KCNK1: variants seen among roughly 807,000 people sequenced by gnomAD.
KCNK1 encodes potassium channel subfamily K member 1.
KCNK1 carries 10 observed loss-of-function variants against 22.2 expected under a neutral mutation model. The observed-to-expected ratio is 0.45, with a 90% CI of 0.28 to 0.76. The LOEUF (loss-of-function observed/expected upper bound fraction) is 0.76. KCNK1 is among the 30% of genes least tolerant of loss of function. The pLI is 0.14. For missense variants in KCNK1, 378 were observed against 421.0 expected, an observed-to-expected ratio of 0.90 and a Z score of 0.89; for synonymous variants, 200 against 186.4, an observed-to-expected ratio of 1.07 and a Z score of -0.60.
chr1:233,662,752 A>G (rs1021792235), intron 1 of KCNK1, among the ~76,000 whole-genome samples: 1 of 152,216 alleles, frequency 6.6e-6, no homozygotes, highest in Non-Finnish European at 1.5e-5. Flanking sequence ...GTAGGAGGCT[A>G]GAATACAAGA....
chr1:233,614,164 T>A lies in KCNK1; in HGVS notation c.-8T>A. 6.3e-7 allele frequency: 1 copy of A among 1,587,714 alleles called. No homozygotes were observed. The highest frequency in any genetic ancestry group is 8.5e-7 in the Non-Finnish European group (1 of 1,172,432). ...GCGGCGTTGGCCTTGGCGGCGGCGG[T>A]GGAGAAGATGCTGCAGTCCCTGGCC... is the stretch of plus-strand genomic sequence containing the variant. On this transcript the variant is annotated 5_prime_UTR_variant, in exon 1 of 3. Transcript: ENST00000366621.
chr1:233,647,434 TG>T (rs1289010387), intron 1 of KCNK1, among the ~76,000 whole-genome samples: 1 of 152,182 alleles, frequency 6.6e-6, no homozygotes, highest in Non-Finnish European at 1.5e-5. Flanking sequence ...GCAGCTGCCT[TG>T]GGGAGGGTGA....
chr1:233,614,157 G>GCTTTGGCGT lies in KCNK1; in HGVS notation c.-14_-13insTTTGGCGTC. The GCTTTGGCGT allele has an allele frequency of 9.2e-7, 1 of 1,089,416 alleles. No individual in the cohort carries two copies. Among genetic ancestry groups the GCTTTGGCGT allele is most frequent in the Non-Finnish European group, 1.2e-6 (1 of 806,908 alleles). The allele number at this position is 1,089,416 out of a possible 1,614,324, so 67.5% of individuals were successfully genotyped here. ...CCGGTCTGCGGCGTTGGCCTTGGCG[G>GCTTTGGCGT]CGGCGGTGGAGAAGATGCTGCAGTC... is the stretch of plus-strand genomic sequence containing the variant. On this transcript the variant is annotated 5_prime_UTR_variant, in exon 1 of 3. Transcript: ENST00000366621.
chr1:233,651,605 A>G (rs1571900410), intron 1 of KCNK1, among the ~76,000 whole-genome samples: 1 of 152,374 alleles, frequency 6.6e-6, no homozygotes, highest in Middle Eastern at 3.4e-3. Context: ...GGGGCATACT[A>G]GAACATAGTA....
chr1:233,625,960 C>T (rs1405787858), intron 1 of KCNK1, among the ~76,000 whole-genome samples: 1 of 152,046 alleles, frequency 6.6e-6, no homozygotes, highest in Admixed American at 6.5e-5. Context: ...TGCAAAACAT[C>T]TGGCTTTTAT....
chr1:233,670,209 G>A (rs1658573678), intron 2 of KCNK1, among the ~76,000 whole-genome samples: 1 of 151,994 alleles, frequency 6.6e-6, no homozygotes, highest in Admixed American at 6.6e-5. Context: ...CATTTTACTT[G>A]AGTCAACAGT....
Position 233,614,138 on chromosome 1 carries a change from TGCGGCGTTGGCCTTGGCG to T in KCNK1, c.-27_-10del, listed in dbSNP as rs1558105023. ...GCGGCGGGCCGCGCTCCGGCCGGTC[TGCGGCGTTGGCCTTGGCG>T]GCGGCGGTGGAGAAGATGCTGCAGT... On this transcript the variant is annotated 5_prime_UTR_variant, in exon 1 of 3. Transcript: ENST00000366621. The T allele has an allele frequency of 1.6e-6, 2 of 1,258,202 alleles. No homozygotes were observed. Among genetic ancestry groups the T allele is most frequent in the Non-Finnish European group, 2.0e-6 (2 of 976,050 alleles). 77.9% of individuals were successfully genotyped at this position (1,258,202 alleles called of 1,614,324 possible).
In KCNK1 at chr1:233,619,049, G is replaced by A. The variant is rs773461084; in HGVS notation, c.355+4523G>A. Among the ~76,000 whole-genome samples the A allele has an allele frequency of 5.3e-4, 81 of 152,070 alleles. 1 individual carries two copies. The highest frequency in any genetic ancestry group is 2.3e-3 in the Admixed American group (35 of 15,274). ...TTTTATTTTTTGGAGATAGGGTCTC[G>A]CTCTCTCACTCAGTCTGGAGTGCAG... On this transcript the variant is annotated intron_variant, in intron 1 of 2. Transcript: ENST00000366621.
At chr1:233,616,465 G>A (rs1657489611) in intron 1 of KCNK1, among the ~76,000 whole-genome samples, 2 of 152,186 alleles carry the variant, frequency 1.3e-5, no homozygotes, top group Non-Finnish European at 2.9e-5. Context: ...TTAAGAAAGG[G>A]GTGGGGTGGG....
chr1:233,625,172 G>A lies in KCNK1; in HGVS notation c.355+10646G>A, dbSNP rs573534374. On this transcript the variant is annotated intron_variant, in intron 1 of 2. Transcript: ENST00000366621. ...GTATAAACAGGTGTGTAAAAAATAG[G>A]ATTGGACCAAAAGGGAATGATCTAA... Among the ~76,000 whole-genome samples the A allele has an allele frequency of 3.9e-5, 6 of 152,250 alleles. No homozygotes were observed. In the South Asian group the frequency reaches 1.0e-3, roughly 26 times the overall value.
intron 1 of KCNK1, among the ~76,000 whole-genome samples, chr1:233,639,101 T>C (rs2102893949): frequency 6.6e-6 from 1 of 152,322 alleles, no homozygotes; most frequent in Middle Eastern, 3.4e-3. Flanking sequence ...AAAAAACAGA[T>C]GAATATATAG....
intron 1 of KCNK1, among the ~76,000 whole-genome samples, chr1:233,631,808 T>C (rs957599918): frequency 2.0e-5 from 3 of 152,102 alleles, no homozygotes; most frequent in Non-Finnish European, 2.9e-5. Flanking sequence ...TGATAGATTC[T>C]GGTTTTTTTT....
chr1:233,651,136 T>A (rs184869892), intron 1 of KCNK1, among the ~76,000 whole-genome samples: 3 of 152,346 alleles, frequency 2.0e-5, no homozygotes, highest in East Asian at 3.9e-4. Flanking sequence ...CGTCTTCTTG[T>A]CATCCAGCGT....
At chr1:233,617,811 G>A (rs1657510949) in intron 1 of KCNK1, among the ~76,000 whole-genome samples, 1 of 152,174 alleles carries the variant, frequency 6.6e-6, no homozygotes, top group Non-Finnish European at 1.5e-5. Context: ...GTGATGGCGT[G>A]TGCCTGTAGT....
chr1:233,665,848 T>A (rs1051383186), intron 1 of KCNK1, among the ~76,000 whole-genome samples: 1 of 152,240 alleles, frequency 6.6e-6, no homozygotes, highest in African/African-American at 2.4e-5. Flanking sequence ...TTTGCCCTTA[T>A]CTGGTTGGAT....
intron 1 of KCNK1, among the ~76,000 whole-genome samples, chr1:233,616,702 C>T (rs1657493175): frequency 6.6e-6 from 1 of 152,106 alleles, no homozygotes; most frequent in South Asian, 2.1e-4. Flanking sequence ...TTGTACTGCC[C>T]CATTATTTGA....
chr1:233,614,620 C>G lies in KCNK1; in HGVS notation c.355+94C>G. Reference sequence around the variant, plus strand: ...GCGCCCCGGGCCCCTCTAACCCTCCCACCCCACCCCCCACCTTTCGCCATC... The same window carrying G: ...GCGCCCCGGGCCCCTCTAACCCTCCGACCCCACCCCCCACCTTTCGCCATC... On this transcript the variant is annotated intron_variant, in intron 1 of 2. Transcript: ENST00000366621. The G allele has an allele frequency of 3.2e-6, 3 of 944,808 alleles. No individual in the cohort carries two copies. In the South Asian group the frequency reaches 5.2e-5, roughly 16 times the overall value. 58.5% of individuals were successfully genotyped at this position (944,808 alleles called of 1,614,324 possible).
chr1:233,614,601 C>A, intron 1 of KCNK1, 75 bp downstream of exon 1: 1 of 1,237,836 alleles, frequency 8.1e-7, no homozygotes, highest in South Asian at 1.5e-5. Flanking sequence ...CCCGGCGCCC[C>A]GGGCCCCTCT....
intron 1 of KCNK1, chr1:233,630,519 T>G (rs1657772790): frequency 6.6e-6 from 1 of 152,228 alleles, no homozygotes; most frequent in African/African-American, 2.4e-5. Context: ...GCTCCCAATA[T>G]TACAAGTCTG....
Sources: gnomAD v4.1 joint callset for allele counts (sites outside exome capture counted in the v4.1 genomes callset) on GRCh38, gnomAD v4.1.1 for gene constraint, MANE v1.5 for transcripts, NCBI Gene and HGNC (gene_info 2026-07-23, HGNC 2026-07-21) for gene names.